The following PACS2 variants were observed in gnomAD, a reference collection of about 807,000 sequenced individuals.
The protein encoded by PACS2 is phosphofurin acidic cluster sorting protein 2.
Under a neutral mutation model 113.0 loss-of-function variants are expected in PACS2, and 36 were observed. That is an observed-to-expected ratio of 0.32 (90% CI 0.24 to 0.42). PACS2 has a LOEUF of 0.42. Ranked by LOEUF, PACS2 falls within the 10% of genes least tolerant of loss-of-function variation. The pLI, the probability that PACS2 is intolerant of heterozygous loss-of-function variation, is 1.00. For missense variants in PACS2, 1,015 were observed against 1,239.5 expected, an observed-to-expected ratio of 0.82 and a Z score of 2.72; for synonymous variants, 589 against 536.1, an observed-to-expected ratio of 1.10 and a Z score of -1.36.
At chr14:105,373,451 A>G (rs1373182106) in intron 8 of PACS2, among the ~76,000 whole-genome samples, 1 of 152,244 alleles carries the variant, frequency 6.6e-6, no homozygotes, top group African/African-American at 2.4e-5. Flanking sequence ...AAAGATGTCA[A>G]GATATCCATG....
At chr14:105,345,348 A>G (rs2059884618) in intron 1 of PACS2, among the ~76,000 whole-genome samples, 1 of 152,004 alleles carries the variant, frequency 6.6e-6, no homozygotes, top group Non-Finnish European at 1.5e-5. Context: ...CGGAGCTTGC[A>G]GTGAGCTGAG....
At chr14:105,359,634 C>G (rs1201506544) in intron 4 of PACS2, among the ~76,000 whole-genome samples, 28 of 144,210 alleles carry the variant, frequency 1.9e-4, no homozygotes, top group African/African-American at 7.2e-4. Flanking sequence ...CTCTGTCGCC[C>G]AGGCTGGAGT....
chr14:105,320,796 G>A (rs892383329), intron 1 of PACS2, among the ~76,000 whole-genome samples: 1 of 152,144 alleles, frequency 6.6e-6, no homozygotes, highest in Non-Finnish European at 1.5e-5. Context: ...GCTGTATCGT[G>A]GTATAGCTTA....
chr14:105,390,857 G>C (rs953501217), intron 20 of PACS2: 1 of 355,290 alleles, frequency 2.8e-6, no homozygotes, highest in Non-Finnish European at 5.2e-6. Flanking sequence ...CCTGTGGCTC[G>C]TGGCTGCCAG....
chr14:105,325,171 G>GT (rs1555398088), intron 1 of PACS2, among the ~76,000 whole-genome samples: 1 of 151,384 alleles, frequency 6.6e-6, no homozygotes, highest in African/African-American at 2.4e-5. Context: ...TGGTGGGACG[G>GT]GGGGGGGCTC....
intron 4 of PACS2, among the ~76,000 whole-genome samples, chr14:105,363,344 CTG>C (rs2060804542): frequency 6.6e-6 from 1 of 151,416 alleles, no homozygotes. Flanking sequence ...CGTTGAAAAT[CTG>C]TTGTTTAGTG....
chr14:105,392,511 G>C, intron 22 of PACS2, 108 bp from the exon 23 acceptor site: 1 of 967,274 alleles, frequency 1.0e-6, no homozygotes. Context: ...CTGCTGGCAA[G>C]TTGGCACAGG....
Position 105,376,953 on chromosome 14 carries a change from G to T in PACS2, c.959+28G>T. 2 of 1,561,484 alleles carry T rather than the reference G, an allele frequency of 1.3e-6. No homozygotes were observed. The highest frequency in any genetic ancestry group is 1.7e-6 in the Non-Finnish European group (2 of 1,151,688). The stretch of plus-strand genomic sequence containing the variant: ...GAGCCCTACAGGGCGGGGCGGGGAG[G>T]AACAGCCATTTCAGATGCCCCGGCC... On this transcript the variant is annotated intron_variant, in intron 9 of 24. Coordinates refer to ENST00000447393, the MANE Select transcript of PACS2 (RefSeq NM_001100913.3). This position sits in a 1 kb window ranked among gnomAD's most constrained non-coding sequence, Gnocchi z 4.7.
intron 3 of PACS2, among the ~76,000 whole-genome samples, chr14:105,353,093 C>G (rs1157692235): frequency 7.8e-6 from 1 of 128,548 alleles, no homozygotes. Flanking sequence ...GTGACAGGCC[C>G]CCCCCATCAC....
chr14:105,333,271 G>A (rs764237297), intron 1 of PACS2, among the ~76,000 whole-genome samples: 20 of 152,116 alleles, frequency 1.3e-4, no homozygotes, highest in Admixed American at 1.3e-3. Context: ...GCCCACAGCC[G>A]TGCCCTGTGC....
In PACS2 at chr14:105,323,031, G is replaced by A. The variant is rs976114505; in HGVS notation, c.119+7994G>A. Reference sequence around the variant, plus strand: ...TTGACTTCCAGCTTTGCTGTAAGAGGTCAGCGGCCGTGACAGGCTGGAGGG... The same window carrying A: ...TTGACTTCCAGCTTTGCTGTAAGAGATCAGCGGCCGTGACAGGCTGGAGGG... On this transcript the variant is annotated intron_variant, in intron 1 of 24. Transcript: ENST00000447393. The surrounding 1 kb of genome is among the most constrained non-coding windows in gnomAD (Gnocchi z 4.1). 6.6e-6 allele frequency among the ~76,000 whole-genome samples: 1 copy of A among 152,190 alleles called. No homozygotes were observed. Among genetic ancestry groups the A allele is most frequent in the African/African-American group, 2.4e-5 (1 of 41,440 alleles).
rs782671188 is a variant in PACS2, at chr14:105,376,349, T to A, written c.802-419T>A. Among the ~76,000 whole-genome samples the A allele has an allele frequency of 2.0e-5, 3 of 149,372 alleles. No homozygotes were observed. The highest frequency in any genetic ancestry group is 4.4e-5 in the Non-Finnish European group (3 of 67,572). ...AAGGGCAGAATGTACAGGAACAGAG[T>A]GAGATTCGCAGGGCCTGGGGCTGAG... On this transcript the variant is annotated intron_variant, in intron 8 of 24. Coordinates refer to ENST00000447393, the MANE Select transcript of PACS2 (RefSeq NM_001100913.3). This position sits in a 1 kb window ranked among gnomAD's most constrained non-coding sequence, Gnocchi z 4.7.
intron 1 of PACS2, among the ~76,000 whole-genome samples, chr14:105,304,596 C>T (rs1253894991): frequency 6.6e-6 from 1 of 152,238 alleles, no homozygotes; most frequent in Non-Finnish European, 1.5e-5. Flanking sequence ...AGATGGGCTG[C>T]AGAGGAGGGG....
At chr14:105,312,912 G>T (rs1029626816), upstream of PACS2, among the ~76,000 whole-genome samples, 1 of 152,160 alleles carries the variant, frequency 6.6e-6, no homozygotes, top group Non-Finnish European at 1.5e-5. Flanking sequence ...GGCCACTCTG[G>T]TACAGACTGT....
At chr14:105,318,887 T>C (rs1595556901) in intron 1 of PACS2, among the ~76,000 whole-genome samples, 1 of 151,396 alleles carries the variant, frequency 6.6e-6, no homozygotes, top group Admixed American at 6.6e-5. Flanking sequence ...GTCTCAATTT[T>C]CTGACCTCGT....
chr14:105,315,077 TG>T lies in PACS2; in HGVS notation c.119+41del. The T allele has an allele frequency of 1.8e-6, 2 of 1,090,418 alleles. No homozygotes were observed. Among genetic ancestry groups the T allele is most frequent in the Non-Finnish European group, 2.2e-6 (2 of 890,188 alleles). The allele number at this position is 1,090,418 out of a possible 1,614,324, so 67.5% of individuals were successfully genotyped here. A position where few individuals can be genotyped will look rare whatever the true frequency, so the allele number is the denominator to read the frequency against. On this transcript the variant is annotated intron_variant, in intron 1 of 24. Coordinates refer to ENST00000447393, the MANE Select transcript of PACS2 (RefSeq NM_001100913.3). The surrounding 1 kb of genome is among the most constrained non-coding windows in gnomAD (Gnocchi z 4.4). ...CCGCGCTTTGTTCCCGCCGGGCACCTGCTGGGGGTGTCCTGGCCGCGGCCTC... is the reference window on the plus strand; with the variant it reads ...CCGCGCTTTGTTCCCGCCGGGCACCTCTGGGGGTGTCCTGGCCGCGGCCTC...
intron 1 of PACS2, among the ~76,000 whole-genome samples, chr14:105,307,974 G>C (rs2058238784): frequency 6.6e-6 from 1 of 152,142 alleles, no homozygotes; most frequent in Admixed American, 6.5e-5. Context: ...CTTGAGCCCA[G>C]GAGTTCGAGA....
At chr14:105,359,715 C>T (rs1555406062) in intron 4 of PACS2, among the ~76,000 whole-genome samples, 1 of 151,886 alleles carries the variant, frequency 6.6e-6, no homozygotes, top group Non-Finnish European at 1.5e-5. Context: ...CCTCAGCCTC[C>T]CGAGTAGCTG....
rs2081305400 is a variant in PACS2, at chr14:105,390,068, G to A, written c.2076+65G>A. 3 of 1,370,824 alleles carry A rather than the reference G, an allele frequency of 2.2e-6. No individual in the cohort carries two copies. In the Admixed American group the frequency reaches 5.0e-5, roughly 23 times the overall value. The allele number at this position is 1,370,824 out of a possible 1,614,324, so 84.9% of individuals were successfully genotyped here. ...CCTGCCAACTTGTCGTTTACAGTCA[G>A]AACGTTTGGGGATTGACTCGATATA... On this transcript the variant is annotated intron_variant, in intron 20 of 24. Coordinates refer to ENST00000447393, the MANE Select transcript of PACS2 (RefSeq NM_001100913.3).
Sources: gnomAD v4.1 joint callset for allele counts (sites outside exome capture counted in the v4.1 genomes callset) on GRCh38, gnomAD v4.1.1 for gene constraint, Gnocchi (gnomAD v3.1) non-coding constraint, MANE v1.5 for transcripts, NCBI Gene and HGNC (gene_info 2026-07-23, HGNC 2026-07-21) for gene names.